WBP11: variants seen among roughly 807,000 people sequenced by gnomAD.
The protein encoded by WBP11 is WW domain binding protein 11.
WBP11 carries 12 observed loss-of-function variants against 66.7 expected under a neutral mutation model. The observed-to-expected ratio is 0.18, with a 90% CI of 0.12 to 0.29. The LOEUF (loss-of-function observed/expected upper bound fraction) is 0.29, where lower values mean the gene tolerates loss of function less well. Among genes scored for constraint, WBP11 ranks in the 10% least tolerant of loss-of-function variants. WBP11 has a pLI of 1.00. For synonymous variants in WBP11, 255 were observed against 273.8 expected, an observed-to-expected ratio of 0.93 and a Z score of 0.68; for missense variants, 555 against 818.3, an observed-to-expected ratio of 0.68 and a Z score of 3.93.
At position 14,788,969 on chromosome 12, in the gene WBP11, G is replaced by C; in HGVS notation, c.1474C>G (p.Pro492Ala). The change falls in exon 11 of 12, where the codon CCT (proline) becomes GCT (alanine). Residue 492 changes from proline to alanine, a missense_variant. This residue lies in a region of WBP11 where 230 missense variants were observed against 286.3 expected (regional missense o/e 0.80). Transcript: ENST00000261167. ...PPPRGPPPRLPPPAPPGIPPP... is the reference protein window; with the variant it reads ...PPPRGPPPRLAPPAPPGIPPP... Reference sequence around the variant, plus strand: ...GCATCACCTGGAGGTGCAGGGGGAGGTAGCCTTGGTGGGGGTCCACGAGGA... The same window carrying C: ...GCATCACCTGGAGGTGCAGGGGGAGCTAGCCTTGGTGGGGGTCCACGAGGA... 1.4e-6 allele frequency: 2 copies of C among 1,461,746 alleles called. No individual in the cohort carries two copies. The highest frequency in any genetic ancestry group is 1.8e-6 in the Non-Finnish European group (2 of 1,114,412). 90.5% of individuals were successfully genotyped at this position (1,461,746 alleles called of 1,614,324 possible).
At chr12:14,792,004 A>G (rs1949826905) in intron 8 of WBP11, among the ~76,000 whole-genome samples, 2 of 152,156 alleles carry the variant, frequency 1.3e-5, no homozygotes, top group African/African-American at 4.8e-5. Context: ...AGGGGAGTGA[A>G]GGAAAGGAGA....
At chr12:14,798,713 T>C (rs1287799853) in intron 4 of WBP11, among the ~76,000 whole-genome samples, 1 of 152,144 alleles carries the variant, frequency 6.6e-6, no homozygotes, top group Non-Finnish European at 1.5e-5. Context: ...TAATGTATCA[T>C]TGAGGAGTTT....
chr12:14,795,763 A>C (rs112285179), intron 5 of WBP11, among the ~76,000 whole-genome samples: 4,356 of 152,142 alleles, frequency 0.029, 87 homozygotes, highest in Admixed American at 0.048. Flanking sequence ...AAGAAAAATA[A>C]TATATGTCAA....
At position 14,785,429 on chromosome 12, in the gene WBP11, T is replaced by C. The variant is rs1949742423; in HGVS notation, c.*1636A>G. On this transcript the variant is annotated 3_prime_UTR_variant, in exon 12 of 12. Coordinates refer to ENST00000261167, the MANE Select transcript of WBP11 (RefSeq NM_016312.3). ...TTTGATCCTTGATATCCGTAAGTTA[T>C]CAAGGATGGTGTCAAGGATTGATAA... 2.6e-5 allele frequency: 4 copies of C among 152,210 alleles called. No individual in the cohort carries two copies. Among genetic ancestry groups the C allele is most frequent in the South Asian group, 2.1e-4 (1 of 4,838 alleles). The allele number at this position is 152,210 out of a possible 1,614,324, so 9.4% of individuals were successfully genotyped here.
Position 14,786,015 on chromosome 12 carries a change from T to C in WBP11, c.*1050A>G, listed in dbSNP as rs560671866. The C allele has an allele frequency of 6.6e-6, 1 of 152,308 alleles. No individual in the cohort carries two copies. The highest frequency in any genetic ancestry group is 6.5e-5 in the Admixed American group (1 of 15,294). 9.4% of individuals were successfully genotyped at this position (152,308 alleles called of 1,614,324 possible). A position where few individuals can be genotyped will look rare whatever the true frequency, so the allele number is the denominator to read the frequency against. On this transcript the variant is annotated 3_prime_UTR_variant, in exon 12 of 12. Coordinates refer to ENST00000261167, the MANE Select transcript of WBP11 (RefSeq NM_016312.3). ...TTAAAGCACTTTGTAAAGAAAATGGTATAAATGCAAATTAATGTTAAGCAC... is the reference window on the plus strand; with the variant it reads ...TTAAAGCACTTTGTAAAGAAAATGGCATAAATGCAAATTAATGTTAAGCAC...
chr12:14,786,893 C>T lies in WBP11; in HGVS notation c.*172G>A. On this transcript the variant is annotated 3_prime_UTR_variant, in exon 12 of 12. Transcript: ENST00000261167. The stretch of plus-strand genomic sequence containing the variant: ...AACTGATCTATTCTGGATGAAATAC[C>T]CTTTTTTATGTGCAGTAAATTCTGA... 1 of 676,382 alleles carries T rather than the reference C, an allele frequency of 1.5e-6. No homozygotes were observed. 41.9% of individuals were successfully genotyped at this position (676,382 alleles called of 1,614,324 possible).
In WBP11 at chr12:14,791,271, C is replaced by G; in HGVS notation, c.914-1G>C. The stretch of plus-strand genomic sequence containing the variant: ...ATATCTGCAAACCGTACACTCAGAC[C>G]TAAGGGGACAAAGGAGGGAGTGGAG... On this transcript the variant is annotated splice_acceptor_variant, in intron 8 of 11. Transcript: ENST00000261167. LOFTEE classifies it high-confidence loss of function. The G allele has an allele frequency of 6.2e-7, 1 of 1,613,680 alleles. No homozygotes were observed. The highest frequency in any genetic ancestry group is 2.2e-5 in the East Asian group (1 of 44,860).
intron 2 of WBP11, 48 bp downstream of exon 2, chr12:14,801,272 A>G (rs1178872940): frequency 1.3e-6 from 2 of 1,592,292 alleles, no homozygotes; most frequent in Non-Finnish European, 1.7e-6. Flanking sequence ...AATATTTGCA[A>G]TTTTTAACAC....
At chr12:14,797,554 T>C (rs1949908088) in intron 4 of WBP11, among the ~76,000 whole-genome samples, 1 of 152,176 alleles carries the variant, frequency 6.6e-6, no homozygotes, top group African/African-American at 2.4e-5. Flanking sequence ...TAACTAATCA[T>C]GTGTCAATAT....
At chr12:14,795,213 T>C in intron 5 of WBP11, 109 bp from the exon 6 acceptor site, 1 of 1,203,112 alleles carries the variant, frequency 8.3e-7, no homozygotes, top group Non-Finnish European at 1.1e-6. Context: ...CCAACTAACA[T>C]AAATATCACC....
chr12:14,787,192 G>A lies in WBP11; in HGVS notation c.1799C>T (p.Ser600Leu). 1 of 1,614,056 alleles carries A rather than the reference G, an allele frequency of 6.2e-7. No homozygotes were observed. The highest frequency in any genetic ancestry group is 8.5e-7 in the Non-Finnish European group (1 of 1,180,036). ...AAGAGGCACAGCAGAATCATCCTCT[G>A]ACTTTCTTTGGGGAGCAGCAGTAGC... ...KGATAAPQRK[S>L]EDDSAVPLAK... is the part of the protein sequence containing the mutation. The change falls in exon 12 of 12, where the codon TCA becomes TTA. Residue 600 changes from serine (S) to leucine (L), a missense_variant. Physicochemically the swap from Ser to Leu is moderately radical, Grantham distance 145. This residue lies in a region of WBP11 where 50 missense variants were observed against 68.3 expected (regional missense o/e 0.73). Transcript: ENST00000261167.
Position 14,786,049 on chromosome 12 carries a change from A to C in WBP11, c.*1016T>G, listed in dbSNP as rs1452214064. On this transcript the variant is annotated 3_prime_UTR_variant, in exon 12 of 12. Coordinates refer to ENST00000261167, the MANE Select transcript of WBP11 (RefSeq NM_016312.3). ...AAATTAATGTTAAGCACTCTTATTC[A>C]TTCATATTTTAATATAAAAGCACAC... 6.6e-6 allele frequency: 1 copy of C among 152,188 alleles called. No homozygotes were observed. The highest frequency in any genetic ancestry group is 1.5e-5 in the Non-Finnish European group (1 of 68,018). The allele number at this position is 152,188 out of a possible 1,614,324, so 9.4% of individuals were successfully genotyped here. A position where few individuals can be genotyped will look rare whatever the true frequency, so the allele number is the denominator to read the frequency against.
At chr12:14,799,373 T>G (rs1949932310) in intron 4 of WBP11, 1 of 267,686 alleles carries the variant, frequency 3.7e-6, no homozygotes, top group African/African-American at 2.2e-5. Flanking sequence ...AAAAGCAAGC[T>G]GGCCAAACTG....
At chr12:14,791,752 C>A (rs2137232154) in intron 8 of WBP11, among the ~76,000 whole-genome samples, 1 of 152,264 alleles carries the variant, frequency 6.6e-6, no homozygotes, top group South Asian at 2.1e-4. Context: ...TGTCATCAAC[C>A]AACCAGTGGT....
At chr12:14,791,336 T>C (rs990870908) in intron 8 of WBP11, 66 bp from the exon 9 acceptor site, 1 of 1,373,588 alleles carries the variant, frequency 7.3e-7, no homozygotes. Flanking sequence ...GTTTACTACG[T>C]AGCACTATAA....
At chr12:14,800,135 T>G (rs905368526) in intron 3 of WBP11, among the ~76,000 whole-genome samples, 1 of 152,112 alleles carries the variant, frequency 6.6e-6, no homozygotes, top group African/African-American at 2.4e-5. Context: ...TTTAAAAATT[T>G]TGCAGGAGTT....
intron 2 of WBP11, 30 bp downstream of exon 2, chr12:14,801,290 C>T: frequency 6.2e-7 from 1 of 1,609,454 alleles, no homozygotes; most frequent in Non-Finnish European, 8.5e-7. Context: ...CACTCTCCTA[C>T]TTCATCATTC....
intron 10 of WBP11, 79 bp downstream of exon 10, chr12:14,790,377 A>G: frequency 3.3e-6 from 5 of 1,500,614 alleles, no homozygotes; most frequent in Non-Finnish European, 4.5e-6. Flanking sequence ...AAACATGAAC[A>G]CTAACAACAC....
Position 14,790,488 on chromosome 12 carries a change from G to A in WBP11, c.1277C>T (p.Pro426Leu), listed in dbSNP as rs1254631931. 3.7e-6 allele frequency: 6 copies of A among 1,613,844 alleles called. No individual in the cohort carries two copies. Among genetic ancestry groups the A allele is most frequent in the Non-Finnish European group, 5.1e-6 (6 of 1,179,856 alleles). Residue 426 changes from proline to leucine, a missense_variant, in exon 10 of 12, where the codon CCA (proline) becomes CTA (leucine). Physicochemically the swap from Pro to Leu is moderately conservative, Grantham distance 98 (BLOSUM62 -3). Transcript: ENST00000261167. ...TGGACCAGGAGGAAGGCCTGTAGGT[G>A]GCCCAGGAGGCCGTAATGGTGGAGC... ...PPAPPLRPPGPPTGLPPGPPP... is the reference protein window; with the variant it reads ...PPAPPLRPPGLPTGLPPGPPP...
Sources: allele counts gnomAD v4.1 joint callset (sites outside exome capture counted in the v4.1 genomes callset), GRCh38; gene constraint gnomAD v4.1.1; regional missense constraint gnomAD v4.1.1; transcripts MANE v1.5; gene names NCBI Gene and HGNC (gene_info 2026-07-23, HGNC 2026-07-21).